The following CLPTM1 variants were observed in gnomAD, a reference collection of about 807,000 sequenced individuals.
CLPTM1 encodes the protein putative lipid scramblase CLPTM1.
CLPTM1 carries 21 observed loss-of-function variants against 77.3 expected under a neutral mutation model. The observed-to-expected ratio is 0.27, with a 90% CI of 0.19 to 0.39. The LOEUF is 0.39. CLPTM1 is among the 10% of genes least tolerant of loss of function. CLPTM1 has a pLI of 1.00. For missense variants in CLPTM1, 642 were observed against 921.2 expected (o/e 0.70, Z 3.92); for synonymous variants, 373 against 381.0 (o/e 0.98, Z 0.24).
intron 1 of CLPTM1, among the ~76,000 whole-genome samples, chr19:44,957,750 A>G (rs75178253): frequency 0.055 from 8,414 of 152,296 alleles, 334 homozygotes; most frequent in Non-Finnish European, 0.083. Flanking sequence ...CCCTCTGCAC[A>G]GTCTGCTGCT....
rs745960777 is a variant in CLPTM1, at chr19:44,967,133, G to A, written c.185+5058G>A. 5.3e-5 allele frequency among the ~76,000 whole-genome samples: 8 copies of A among 151,940 alleles called. No individual in the cohort carries two copies. In the South Asian group the frequency reaches 6.3e-4, roughly 12 times the overall value. On this transcript the variant is annotated intron_variant, in intron 2 of 13. Coordinates refer to ENST00000337392, the MANE Select transcript of CLPTM1 (RefSeq NM_001294.4). ...TGGGATTACAGGCGTGAGCCACCGC[G>A]CCTATCCTGACCCCATCTCTGTAAA...
In CLPTM1 at chr19:44,992,866, C is replaced by T; in HGVS notation, c.1979C>T (p.Pro660Leu). ...SSASEPQEAP[P>L]KPAEDKKKD ...GCCAGCGAGCCCCAGGAAGCCCCTCCAAAGCCAGCAGAGGACAAGAAAAAG... is the reference window on the plus strand; with the variant it reads ...GCCAGCGAGCCCCAGGAAGCCCCTCTAAAGCCAGCAGAGGACAAGAAAAAG... The change falls in exon 14 of 14, where the codon CCA becomes CTA. Residue 660 changes from proline to leucine, a missense_variant. Transcript: ENST00000337392. This position sits in a 1 kb window ranked among gnomAD's most constrained non-coding sequence, Gnocchi z 7.7. 6.2e-7 allele frequency: 1 copy of T among 1,613,870 alleles called. No individual in the cohort carries two copies. Among genetic ancestry groups the T allele is most frequent in the East Asian group, 2.2e-5 (1 of 44,862 alleles).
intron 3 of CLPTM1, among the ~76,000 whole-genome samples, chr19:44,973,911 G>T (rs1301534609): frequency 6.6e-6 from 1 of 151,856 alleles, no homozygotes; most frequent in Non-Finnish European, 1.5e-5. Context: ...TTACAGGCAT[G>T]TGCCACCACG....
Position 44,986,536 on chromosome 19 carries a change from C to T in CLPTM1, c.754C>T (p.Pro252Ser). ...CATCAACATCGTGGACGACCACACG[C>T]CGTGGGTGAAGGGCAGTGTGCCCCC... ...ITINIVDDHT[P>S]WVKGSVPPPL... Residue 252 changes from proline (P) to serine (S), a missense_variant, in exon 7 of 14, where the codon CCG becomes TCG. Pro to Ser is a moderately conservative substitution (Grantham distance 74). This residue lies in a region of CLPTM1 where 521 missense variants were observed against 800.4 expected (regional missense o/e 0.65). Transcript: ENST00000337392. 6.2e-7 allele frequency: 1 copy of T among 1,614,100 alleles called. No individual in the cohort carries two copies. Among genetic ancestry groups the T allele is most frequent in the South Asian group, 1.1e-5 (1 of 91,090 alleles).
chr19:44,988,043 G>A lies in CLPTM1; in HGVS notation c.1039-37G>A, dbSNP rs901650566. ...ACAAAAGCTAGTGAAGGTGCTCCTG[G>A]GTGGGGACAGGCTGTGCTCACATGT... is the stretch of plus-strand genomic sequence containing the variant. On this transcript the variant is annotated intron_variant, in intron 8 of 13. Transcript: ENST00000337392. 3.4e-6 allele frequency: 5 copies of A among 1,487,834 alleles called. No individual in the cohort carries two copies. The African/African-American group carries it at 6.9e-5, about 21-fold the overall frequency. The allele number at this position is 1,487,834 out of a possible 1,614,324, so 92.2% of individuals were successfully genotyped here. A position where few individuals can be genotyped will look rare whatever the true frequency, so the allele number is the denominator to read the frequency against.
intron 5 of CLPTM1, among the ~76,000 whole-genome samples, chr19:44,982,233 C>T (rs1430531119): frequency 2.6e-5 from 4 of 151,850 alleles, no homozygotes; most frequent in Non-Finnish European, 4.4e-5. Flanking sequence ...CTTGTAATTC[C>T]GTCTACTCGG....
At chr19:44,973,372 G>T (rs899601950) in intron 3 of CLPTM1, among the ~76,000 whole-genome samples, 162 bp downstream of exon 3, 2 of 152,138 alleles carry the variant, frequency 1.3e-5, no homozygotes, top group African/African-American at 4.8e-5. Context: ...TCCCCAACAC[G>T]TGAGACCTCT....
Position 44,970,139 on chromosome 19 carries a change from G to A in CLPTM1, c.186-2948G>A, listed in dbSNP as rs1970695358. On this transcript the variant is annotated intron_variant, in intron 2 of 13. Coordinates refer to ENST00000337392, the MANE Select transcript of CLPTM1 (RefSeq NM_001294.4). ...AGCATATTTTCCTACAGAGAGGATT[G>A]CCTTTGCTTCTGCCTGGGGGCATTA... is the stretch of plus-strand genomic sequence containing the variant. Among the ~76,000 whole-genome samples the A allele has an allele frequency of 1.4e-5, 2 of 147,558 alleles. 1 individual carries two copies. The highest frequency in any genetic ancestry group is 4.3e-4 in the South Asian group (2 of 4,672).
chr19:44,964,501 G>A lies in CLPTM1; in HGVS notation c.185+2426G>A, dbSNP rs554669112. Among the ~76,000 whole-genome samples the A allele has an allele frequency of 2.3e-4, 33 of 146,114 alleles. No homozygotes were observed. In the South Asian group the frequency reaches 3.0e-3, roughly 13 times the overall value. On this transcript the variant is annotated intron_variant, in intron 2 of 13. Coordinates refer to ENST00000337392, the MANE Select transcript of CLPTM1 (RefSeq NM_001294.4). ...AATTTTTGTATTTTTAGTGGAGATG[G>A]GGTTTTGCCGTGTTGGCCAGGCTGG...
At chr19:44,981,046 T>C (rs1414681697) in intron 5 of CLPTM1, among the ~76,000 whole-genome samples, 1 of 152,132 alleles carries the variant, frequency 6.6e-6, no homozygotes, top group East Asian at 1.9e-4. Flanking sequence ...TTTCACCGTG[T>C]TAGCCAGGAT....
intron 2 of CLPTM1, among the ~76,000 whole-genome samples, chr19:44,963,297 C>T (rs1349846005): frequency 6.9e-6 from 1 of 145,816 alleles, no homozygotes; most frequent in Non-Finnish European, 1.5e-5. Flanking sequence ...ATCACTTGAG[C>T]CTTGGAAATT....
chr19:44,993,019 G>C lies in CLPTM1; in HGVS notation c.*122G>C, dbSNP rs554954680. 3.2e-6 allele frequency: 4 copies of C among 1,258,936 alleles called. No homozygotes were observed. The highest frequency in any genetic ancestry group is 1.8e-4 in the Middle Eastern group (1 of 5,468). 78.0% of individuals were successfully genotyped at this position (1,258,936 alleles called of 1,614,324 possible). On this transcript the variant is annotated 3_prime_UTR_variant, in exon 14 of 14. Transcript: ENST00000337392. ...ATCAGGCCGGGGCGGTGGGAGGCCCGCCTCAGGTCAGGGCCCAGCGTGTGA... is the reference window on the plus strand; with the variant it reads ...ATCAGGCCGGGGCGGTGGGAGGCCCCCCTCAGGTCAGGGCCCAGCGTGTGA...
chr19:44,968,167 C>T (rs1390016270), intron 2 of CLPTM1, among the ~76,000 whole-genome samples: 2 of 152,166 alleles, frequency 1.3e-5, no homozygotes. Context: ...TTTCTTAGAA[C>T]TAGGCAGCAT....
At chr19:44,958,319 A>G (rs1424458428) in intron 1 of CLPTM1, among the ~76,000 whole-genome samples, 1 of 151,388 alleles carries the variant, frequency 6.6e-6, no homozygotes, top group African/African-American at 2.4e-5. Flanking sequence ...GATTATGCCA[A>G]GCTTTGGAGG....
In CLPTM1 at chr19:44,991,028, T is replaced by A; in HGVS notation, c.1419+83T>A. ...AGGCACCCGGGGCCGGCCATCTGTC[T>A]GCCGGACCCATGCTTTACAGCCTGT... On this transcript the variant is annotated intron_variant, in intron 11 of 13. Coordinates refer to ENST00000337392, the MANE Select transcript of CLPTM1 (RefSeq NM_001294.4). The surrounding 1 kb of genome is among the most constrained non-coding windows in gnomAD (Gnocchi z 5.4). 1 of 1,340,028 alleles carries A rather than the reference T, an allele frequency of 7.5e-7. No homozygotes were observed. Among genetic ancestry groups the A allele is most frequent in the Non-Finnish European group, 1.1e-6 (1 of 946,072 alleles). The allele number at this position is 1,340,028 out of a possible 1,614,324, so 83.0% of individuals were successfully genotyped here.
Position 44,985,317 on chromosome 19 carries a change from G to T in CLPTM1, c.672+14G>T. On this transcript the variant is annotated intron_variant, in intron 6 of 13. Coordinates refer to ENST00000337392, the MANE Select transcript of CLPTM1 (RefSeq NM_001294.4). ...GAAATGATCAAGGTAAATGGGCAGG[G>T]TTGTCAGGGCCTATAGGGACCAAGC... is the stretch of plus-strand genomic sequence containing the variant. 1 of 1,580,784 alleles carries T rather than the reference G, an allele frequency of 6.3e-7. No homozygotes were observed. The highest frequency in any genetic ancestry group is 1.3e-5 in the African/African-American group (1 of 74,420).
At chr19:44,974,151 A>T (rs886485620) in intron 3 of CLPTM1, among the ~76,000 whole-genome samples, 11 of 151,958 alleles carry the variant, frequency 7.2e-5, no homozygotes, top group African/African-American at 2.7e-4. Context: ...TGAGGGCAGG[A>T]GATCATTCAG....
chr19:44,966,928 G>A (rs1187328395), intron 2 of CLPTM1, among the ~76,000 whole-genome samples: 2 of 151,866 alleles, frequency 1.3e-5, no homozygotes, highest in East Asian at 1.9e-4. Context: ...TGCAAGCTCC[G>A]CCTCCTAGGT....
At chr19:44,977,112 C>CA (rs539840508) in intron 4 of CLPTM1, among the ~76,000 whole-genome samples, 182 of 152,244 alleles carry the variant, frequency 1.2e-3, no homozygotes, top group African/African-American at 4.3e-3. Context: ...CCCTGAGGCT[C>CA]AGAGAGAAGC....
Sources: allele counts gnomAD v4.1 joint callset (sites outside exome capture counted in the v4.1 genomes callset), GRCh38; gene constraint gnomAD v4.1.1; regional missense constraint gnomAD v4.1.1; non-coding constraint Gnocchi (gnomAD v3.1); transcripts MANE v1.5; gene names NCBI Gene and HGNC (gene_info 2026-07-23, HGNC 2026-07-21).